ADGRD1: variants seen among roughly 807,000 people sequenced by gnomAD.
ADGRD1 encodes the protein G-protein coupled receptor 133.
A neutral mutation model predicts 113.4 loss-of-function variants in ADGRD1; 77 were observed. The ratio of observed to expected loss-of-function variants is 0.68; its 90% CI spans 0.57 to 0.82. The LOEUF (loss-of-function observed/expected upper bound fraction) is 0.82. ADGRD1 is among the 40% of genes least tolerant of loss of function. ADGRD1 has a pLI of 0.00. For missense variants in ADGRD1, 1,036 were observed against 1,139.1 expected (o/e 0.91, Z 1.30); for synonymous variants, 474 against 475.0 (o/e 1.00, Z 0.03).
rs1198001894 is a variant in ADGRD1 at position 131,131,579 on chromosome 12, G to T, written c.2176-146G>T. 9.7e-6 allele frequency: 6 copies of T among 616,874 alleles called. No homozygotes were observed. In the East Asian group the frequency reaches 1.7e-4, roughly 18 times the overall value. 38.2% of individuals were successfully genotyped at this position (616,874 alleles called of 1,614,324 possible). ...TTGGTAAAAGCCCACGGAACAGGGTGAGATTTGTCCCAGTGATGCCCCTGT... is the reference window on the plus strand; with the variant it reads ...TTGGTAAAAGCCCACGGAACAGGGTTAGATTTGTCCCAGTGATGCCCCTGT... On this transcript the variant is annotated intron_variant, in intron 20 of 24. Transcript: ENST00000261654.
intron 21 of ADGRD1, 99 bp downstream of exon 21, chr12:131,131,915 C>T (rs920314546): frequency 1.3e-4 from 103 of 787,660 alleles, no homozygotes; most frequent in Non-Finnish European, 1.8e-4. Flanking sequence ...CTCCTGTGGC[C>T]GGCACCAAAG....
chr12:131,045,438 G>A (rs1882591591), intron 13 of ADGRD1, among the ~76,000 whole-genome samples: 1 of 152,184 alleles, frequency 6.6e-6, no homozygotes, highest in South Asian at 2.1e-4. Flanking sequence ...GGCTCCAGGA[G>A]GAGAAGAGCG....
chr12:130,959,618 G>A (rs1315842662), intron 2 of ADGRD1, among the ~76,000 whole-genome samples: 1 of 152,170 alleles, frequency 6.6e-6, no homozygotes, highest in African/African-American at 2.4e-5. Context: ...AGTCACTGAA[G>A]ATTTGCTAGT....
chr12:131,076,535 C>T (rs1002506471), intron 13 of ADGRD1, among the ~76,000 whole-genome samples: 3 of 151,664 alleles, frequency 2.0e-5, no homozygotes, highest in Admixed American at 6.6e-5. Flanking sequence ...TGGGGAGGCA[C>T]GTCCTAGGAG....
intron 18 of ADGRD1, among the ~76,000 whole-genome samples, chr12:131,115,556 A>G (rs1950445087): frequency 6.6e-6 from 1 of 152,030 alleles, no homozygotes; most frequent in Non-Finnish European, 1.5e-5. Context: ...TTAATCTCTC[A>G]TAACCCATGC....
At chr12:130,970,378 A>G (rs984674910) in intron 3 of ADGRD1, 2 of 152,248 alleles carry the variant, frequency 1.3e-5, no homozygotes, top group Non-Finnish European at 1.5e-5. Flanking sequence ...CTAGTGATCC[A>G]TTTAACCTTG....
rs116568720 is a variant in ADGRD1, at chr12:131,022,506, A to G, written c.1473+8166A>G. The stretch of plus-strand genomic sequence containing the variant: ...AGTACAAACCGTGATTTATTTATTC[A>G]GTTGCTGGTGTTGCTATGACTCAGG... On this transcript the variant is annotated intron_variant, in intron 13 of 24. Coordinates refer to ENST00000261654, the MANE Select transcript of ADGRD1 (RefSeq NM_198827.5). This position sits in a 1 kb window ranked among gnomAD's most constrained non-coding sequence, Gnocchi z 4.6. 2.6e-3 allele frequency among the ~76,000 whole-genome samples: 403 copies of G among 152,296 alleles called. No homozygotes were observed. Among genetic ancestry groups the G allele is most frequent in the African/African-American group, 9.4e-3 (390 of 41,552 alleles).
At chr12:131,032,218 G>A (rs868264563) in intron 13 of ADGRD1, among the ~76,000 whole-genome samples, 29 of 152,126 alleles carry the variant, frequency 1.9e-4, no homozygotes, top group African/African-American at 2.7e-4. Flanking sequence ...TTCAGTAGGC[G>A]GCAGACGTTC....
At chr12:130,993,372 TTTCATTCATTCATTCATTCA>T (rs55716628) in intron 8 of ADGRD1, among the ~76,000 whole-genome samples, 2 of 141,020 alleles carry the variant, frequency 1.4e-5, no homozygotes, top group African/African-American at 5.4e-5. Context: ...ACTTCTCAGA[TTTCATTCATTCATTCATTCA>T]TTCATTCATT....
intron 13 of ADGRD1, chr12:131,023,440 C>G (rs1473631446): frequency 6.6e-6 from 1 of 151,478 alleles, no homozygotes; most frequent in African/African-American, 2.4e-5. Context: ...CTGTTCCCAC[C>G]CACTTCCCCA....
At chr12:131,081,185 TTC>T (rs1439091461) in intron 14 of ADGRD1, among the ~76,000 whole-genome samples, 1 of 152,156 alleles carries the variant, frequency 6.6e-6, no homozygotes, top group African/African-American at 2.4e-5. Flanking sequence ...TAAAGTGAGT[TTC>T]TTTTAGACTG....
intron 24 of ADGRD1, 59 bp from the exon 25 acceptor site, chr12:131,139,109 G>T: frequency 7.4e-7 from 1 of 1,355,514 alleles, no homozygotes; most frequent in Admixed American, 1.7e-5. Context: ...CACTCACTGG[G>T]CTTATGGCTC....
Position 131,003,680 on chromosome 12 carries a change from C to A in ADGRD1, c.1144+378C>A, listed in dbSNP as rs146375597. The stretch of plus-strand genomic sequence containing the variant: ...GCTCCAGGGTAATTGTCACAGTTGT[C>A]TAATTGTAGAGGCAGAGGTGATGAC... On this transcript the variant is annotated intron_variant, in intron 10 of 24. Transcript: ENST00000261654. This position sits in a 1 kb window ranked among gnomAD's most constrained non-coding sequence, Gnocchi z 4.8. Among the ~76,000 whole-genome samples, 156 of 152,336 alleles carry A rather than the reference C, an allele frequency of 1.0e-3. 3 individuals carry two copies. The East Asian group carries it at 0.029, about 28-fold the overall frequency.
intron 23 of ADGRD1, among the ~76,000 whole-genome samples, chr12:131,137,333 A>G (rs1292484289): frequency 2.0e-5 from 3 of 152,196 alleles, no homozygotes; most frequent in African/African-American, 4.8e-5. Context: ...TGGCTGTGAG[A>G]AGGAGGACTT....
intron 15 of ADGRD1, among the ~76,000 whole-genome samples, chr12:131,085,875 C>T (rs955221385): frequency 2.6e-5 from 4 of 152,142 alleles, no homozygotes; most frequent in African/African-American, 9.7e-5. Context: ...TGTCACGAGA[C>T]TCATCTTCCG....
intron 13 of ADGRD1, chr12:131,023,564 C>T (rs1427157942): frequency 6.6e-6 from 1 of 152,030 alleles, no homozygotes; most frequent in Non-Finnish European, 1.5e-5. Flanking sequence ...GGTGGTATAC[C>T]ATAGAAACTC....
chr12:131,011,725 C>A (rs913992404), intron 12 of ADGRD1, among the ~76,000 whole-genome samples: 1 of 152,234 alleles, frequency 6.6e-6, no homozygotes, highest in Non-Finnish European at 1.5e-5. Flanking sequence ...TGGCACAGCC[C>A]TAAGTGTTGC....
At chr12:131,004,731 G>C (rs1480960899) in intron 11 of ADGRD1, among the ~76,000 whole-genome samples, 1 of 152,172 alleles carries the variant, frequency 6.6e-6, no homozygotes, top group Non-Finnish European at 1.5e-5. Context: ...TGTGGGCCAG[G>C]TGAGGGGTTC....
At position 130,982,012 on chromosome 12, in the gene ADGRD1, C is replaced by G. The variant is rs756414009; in HGVS notation, c.439C>G (p.Leu147Val). 1.9e-6 allele frequency: 3 copies of G among 1,613,940 alleles called. No homozygotes were observed. Among genetic ancestry groups the G allele is most frequent in the Non-Finnish European group, 2.5e-6 (3 of 1,179,880 alleles). Residue 147 changes from leucine to valine, a missense_variant, in exon 5 of 25, where the codon CTG becomes GTG. Coordinates refer to ENST00000261654, the MANE Select transcript of ADGRD1 (RefSeq NM_198827.5). ...CSSGGRGSVELYTRDNSMTWE... is the reference protein window; with the variant it reads ...CSSGGRGSVEVYTRDNSMTWE... ...CAGCGGTGGCAGAGGCTCTGTGGAG[C>G]TGTATACGCGGGACAATTCCATGAC... is the stretch of plus-strand genomic sequence containing the variant.
Sources: gnomAD v4.1 joint callset for allele counts (sites outside exome capture counted in the v4.1 genomes callset) on GRCh38, gnomAD v4.1.1 for gene constraint, Gnocchi (gnomAD v3.1) non-coding constraint, MANE v1.5 for transcripts, NCBI Gene and HGNC (gene_info 2026-07-23, HGNC 2026-07-21) for gene names.